The following CAPSL variants were observed in gnomAD, a reference collection of about 807,000 sequenced individuals.
The protein encoded by CAPSL is calcyphosin-like protein.
Under a neutral mutation model 21.3 loss-of-function variants are expected in CAPSL, and 17 were observed. The observed-to-expected ratio is 0.80, with a 90% CI of 0.55 to 1.20. The LOEUF (loss-of-function observed/expected upper bound fraction) is 1.20. Among genes scored for constraint, CAPSL ranks in the 50% most tolerant of loss-of-function variants. The probability of loss-of-function intolerance (pLI) is 0.00; values close to 1 mark genes in which losing one functional copy is unlikely to be tolerated. For missense variants in CAPSL, 289 were observed against 259.3 expected (o/e 1.11, Z -0.79); for synonymous variants, 102 against 89.3 (o/e 1.14, Z -0.80).
intron 4 of CAPSL, among the ~76,000 whole-genome samples, chr5:35,908,686 C>T (rs1487479125): frequency 6.6e-6 from 1 of 152,154 alleles, no homozygotes; most frequent in Non-Finnish European, 1.5e-5. Flanking sequence ...ATTTCTGTCC[C>T]TAAGATTTTG....
rs529107022 is a variant in CAPSL, at chr5:35,911,315, T to G, written c.138-772A>C. On this transcript the variant is annotated intron_variant, in intron 2 of 4. Coordinates refer to ENST00000651391, the MANE Select transcript of CAPSL (RefSeq NM_001042625.2). The stretch of plus-strand genomic sequence containing the variant: ...AGGGAAAAGGGAAGCAACTTTACAA[T>G]GGAGAAGTCTGACAAATACTACCTC... Among the ~76,000 whole-genome samples, 5 of 152,338 alleles carry G rather than the reference T, an allele frequency of 3.3e-5. No homozygotes were observed. In the East Asian group the frequency reaches 9.6e-4, roughly 29 times the overall value.
chr5:35,934,696 C>T (rs1299327684), intron 1 of CAPSL, among the ~76,000 whole-genome samples: 3 of 152,220 alleles, frequency 2.0e-5, no homozygotes, highest in African/African-American at 7.2e-5. Context: ...AAAACCACTC[C>T]TCCTTTTGCC....
At chr5:35,904,742 G>T in intron 4 of CAPSL, 96 bp from the exon 5 acceptor site, 1 of 1,511,966 alleles carries the variant, frequency 6.6e-7, no homozygotes, top group Non-Finnish European at 8.8e-7. Context: ...GGGAAATAGA[G>T]GATTTCTTTG....
chr5:35,914,409 C>T (rs191219197), intron 2 of CAPSL, among the ~76,000 whole-genome samples: 5 of 151,680 alleles, frequency 3.3e-5, no homozygotes, highest in Admixed American at 6.6e-5. Flanking sequence ...AATATACATT[C>T]TTTTCAGCAC....
rs181077201 is a variant in CAPSL at position 35,913,791 on chromosome 5, C to T, written c.138-3248G>A. 1.7e-3 allele frequency among the ~76,000 whole-genome samples: 265 copies of T among 152,248 alleles called. 2 individuals carry two copies. Among genetic ancestry groups the T allele is most frequent in the Non-Finnish European group, 3.1e-4 (21 of 68,010 alleles). ...AAAGACCATCGATGCTATGAAGAAA[C>T]GGCATAAACTAATGAGCAAAATAAC... On this transcript the variant is annotated intron_variant, in intron 2 of 4. Coordinates refer to ENST00000651391, the MANE Select transcript of CAPSL (RefSeq NM_001042625.2).
chr5:35,929,374 T>A (rs1162595834), intron 1 of CAPSL, among the ~76,000 whole-genome samples: 2 of 145,322 alleles, frequency 1.4e-5, no homozygotes, highest in African/African-American at 5.1e-5. Flanking sequence ...AACCTTGCAA[T>A]CTCCGCCTCC....
chr5:35,927,105 G>T (rs1738704570), intron 1 of CAPSL, among the ~76,000 whole-genome samples: 1 of 152,204 alleles, frequency 6.6e-6, no homozygotes, highest in African/African-American at 2.4e-5. Flanking sequence ...GCAGGGATGT[G>T]CAGTCGCGAT....
chr5:35,926,819 A>G (rs971086528), intron 1 of CAPSL, among the ~76,000 whole-genome samples: 14 of 152,170 alleles, frequency 9.2e-5, no homozygotes, highest in South Asian at 2.1e-4. Flanking sequence ...GCAAAATCCA[A>G]TGGAAACTTC....
chr5:35,916,683 T>C (rs916036006), intron 2 of CAPSL, among the ~76,000 whole-genome samples: 12 of 152,184 alleles, frequency 7.9e-5, no homozygotes, highest in Non-Finnish European at 1.3e-4. Flanking sequence ...TGAAACTGGA[T>C]CCCTTCCTTA....
chr5:35,937,796 A>G (rs1462199946), intron 1 of CAPSL, among the ~76,000 whole-genome samples: 1 of 151,676 alleles, frequency 6.6e-6, no homozygotes, highest in Non-Finnish European at 1.5e-5. Flanking sequence ...TCAATAACAA[A>G]ATAGATTTTT....
At chr5:35,922,244 T>C (rs1398992550) in intron 1 of CAPSL, among the ~76,000 whole-genome samples, 1 of 152,130 alleles carries the variant, frequency 6.6e-6, no homozygotes, top group Non-Finnish European at 1.5e-5. Context: ...TGTTCTCCTA[T>C]ACACCCTGAA....
chr5:35,909,427 C>G (rs371440099), intron 4 of CAPSL, among the ~76,000 whole-genome samples: 29 of 152,254 alleles, frequency 1.9e-4, no homozygotes, highest in East Asian at 1.5e-3. Context: ...ACTAAAACAT[C>G]CTGAAAGGCC....
chr5:35,938,115 T>C (rs1016900860), intron 1 of CAPSL, among the ~76,000 whole-genome samples: 1 of 152,148 alleles, frequency 6.6e-6, no homozygotes, highest in African/African-American at 2.4e-5. Context: ...CAAAGCAAGG[T>C]CTGAATGAAA....
intron 2 of CAPSL, among the ~76,000 whole-genome samples, chr5:35,915,028 A>T (rs1220182275): frequency 2.0e-5 from 3 of 152,216 alleles, no homozygotes; most frequent in African/African-American, 4.8e-5. Context: ...TAAAGGGGAT[A>T]TCACCACCGA....
chr5:35,937,276 G>A (rs1364953130), intron 1 of CAPSL, among the ~76,000 whole-genome samples: 1 of 152,168 alleles, frequency 6.6e-6, no homozygotes, highest in Admixed American at 6.5e-5. Context: ...ACCCTTTGAT[G>A]GTCCCCCATT....
intron 2 of CAPSL, among the ~76,000 whole-genome samples, chr5:35,914,887 C>T (rs1201970732): frequency 7.2e-5 from 11 of 151,970 alleles, no homozygotes; most frequent in Non-Finnish European, 1.5e-4. Context: ...AATAGAGACA[C>T]AAAAAACTCT....
At chr5:35,923,154 C>T (rs1474142605) in intron 1 of CAPSL, among the ~76,000 whole-genome samples, 1 of 152,228 alleles carries the variant, frequency 6.6e-6, no homozygotes, top group East Asian at 1.9e-4. Context: ...TCTCATTTCC[C>T]ATGACATCTC....
chr5:35,927,840 A>G (rs555836832), intron 1 of CAPSL, among the ~76,000 whole-genome samples: 8 of 152,326 alleles, frequency 5.3e-5, no homozygotes, highest in Non-Finnish European at 1.0e-4. Context: ...TAAACTAGCT[A>G]TTACTACACG....
intron 1 of CAPSL, among the ~76,000 whole-genome samples, chr5:35,931,141 C>T (rs1235793600): frequency 1.3e-5 from 2 of 152,202 alleles, no homozygotes; most frequent in South Asian, 2.1e-4. Context: ...TCTTCAGTCA[C>T]TTGCTGTCAA....
Sources: gnomAD v4.1 joint callset for allele counts (sites outside exome capture counted in the v4.1 genomes callset) on GRCh38, gnomAD v4.1.1 for gene constraint, MANE v1.5 for transcripts, NCBI Gene and HGNC (gene_info 2026-07-23, HGNC 2026-07-21) for gene names.